RMC1: variants seen among roughly 807,000 people sequenced by gnomAD.
RMC1 encodes the protein regulator of MON1-CCZ1.
In RMC1, 44 loss-of-function variants were observed where a neutral mutation model predicts 95.5. The observed-to-expected ratio is 0.46, with a 90% CI of 0.36 to 0.59. The LOEUF (loss-of-function observed/expected upper bound fraction) is 0.59, where lower values mean the gene tolerates loss of function less well. Ranked by LOEUF, RMC1 falls within the 20% of genes least tolerant of loss-of-function variation. RMC1 has a pLI of 0.00. For missense variants in RMC1, 705 were observed against 819.6 expected, an observed-to-expected ratio of 0.86 and a Z score of 1.71; for synonymous variants, 320 against 303.6, an observed-to-expected ratio of 1.05 and a Z score of -0.56.
chr18:23,526,557 C>G, intron 12 of RMC1, 80 bp from the exon 13 acceptor site: 1 of 1,535,100 alleles, frequency 6.5e-7, no homozygotes, highest in Non-Finnish European at 8.8e-7. Flanking sequence ...ACCCGCCCCG[C>G]AGATGTTTAG....
chr18:23,524,209 A>G (rs1162453558), intron 11 of RMC1, 35 bp downstream of exon 11: 1 of 1,610,424 alleles, frequency 6.2e-7, no homozygotes, highest in Admixed American at 1.7e-5. Flanking sequence ...CGTGCACAAC[A>G]GGGCAAGTGG....
chr18:23,521,204 A>C (rs1325769546), intron 10 of RMC1, among the ~76,000 whole-genome samples: 1 of 152,192 alleles, frequency 6.6e-6, no homozygotes, highest in Non-Finnish European at 1.5e-5. Context: ...ATAAGCTAAA[A>C]TTATGTTGTG....
intron 19 of RMC1, chr18:23,531,302 C>A: frequency 4.1e-6 from 1 of 242,176 alleles, no homozygotes. Context: ...GTTGATCATT[C>A]TCATCTCCAA....
At position 23,504,433 on chromosome 18, in the gene RMC1, T is replaced by A; in HGVS notation, c.165T>A (p.Asn55Lys). Residue 55 changes from asparagine to lysine, a missense_variant, in exon 2 of 20, where the codon AAT becomes AAA. Physicochemically the swap from Asn to Lys is moderately conservative, Grantham distance 94 (BLOSUM62 0). Coordinates refer to ENST00000269221, the MANE Select transcript of RMC1 (RefSeq NM_013326.5). Reference protein sequence around the residue: ...GVVVKGPDDRNPISFRMDDKG... With the variant: ...GVVVKGPDDRKPISFRMDDKG... ...TAGTTAAAGGCCCAGATGATAGGAA[T>A]CCCATCTCATTTAGGTAATGGTATA... is the stretch of plus-strand genomic sequence containing the variant. 6.2e-7 allele frequency: 1 copy of A among 1,612,672 alleles called. No homozygotes were observed. The highest frequency in any genetic ancestry group is 8.5e-7 in the Non-Finnish European group (1 of 1,178,612).
Position 23,530,727 on chromosome 18 carries a change from A to G in RMC1, c.1894+115A>G, listed in dbSNP as rs1567938003. 28 of 910,538 alleles carry G rather than the reference A, an allele frequency of 3.1e-5. 1 individual carries two copies. In the South Asian group the frequency reaches 4.0e-4, roughly 13 times the overall value. 56.4% of individuals were successfully genotyped at this position (910,538 alleles called of 1,614,324 possible). ...GCATTTTTGTAAACAACACAATTTG[A>G]TAACAGCCCACCTAGCCCTTGGCCC... On this transcript the variant is annotated intron_variant, in intron 19 of 19. Coordinates refer to ENST00000269221, the MANE Select transcript of RMC1 (RefSeq NM_013326.5).
In RMC1 at chr18:23,503,539, T is replaced by G; in HGVS notation, c.-80T>G. 1 of 1,034,160 alleles carries G rather than the reference T, an allele frequency of 9.7e-7. No homozygotes were observed. Among genetic ancestry groups the G allele is most frequent in the Non-Finnish European group, 1.3e-6 (1 of 763,238 alleles). The allele number at this position is 1,034,160 out of a possible 1,614,324, so 64.1% of individuals were successfully genotyped here. A position where few individuals can be genotyped will look rare whatever the true frequency, so the allele number is the denominator to read the frequency against. ...GCCGCAGCCGCAGCCGCCGCTACAG[T>G]CCGGGCCGGGCTCCACCGCGCATCC... On this transcript the variant is annotated 5_prime_UTR_variant, in exon 1 of 20. Coordinates refer to ENST00000269221, the MANE Select transcript of RMC1 (RefSeq NM_013326.5).
chr18:23,529,897 A>AT, intron 16 of RMC1, 131 bp from the exon 17 acceptor site: 1 of 1,068,834 alleles, frequency 9.4e-7, no homozygotes, highest in Non-Finnish European at 1.4e-6. Flanking sequence ...CTTTACCTGC[A>AT]TGACGAAACC....
intron 10 of RMC1, among the ~76,000 whole-genome samples, chr18:23,520,898 A>T (rs1351038330): frequency 6.6e-6 from 1 of 152,096 alleles, no homozygotes; most frequent in Non-Finnish European, 1.5e-5. Context: ...TTGTATTTTT[A>T]GTAGAGATGG....
At chr18:23,524,001 T>C in intron 10 of RMC1, 129 bp from the exon 11 acceptor site, 1 of 1,052,778 alleles carries the variant, frequency 9.5e-7, no homozygotes, top group Non-Finnish European at 1.4e-6. Flanking sequence ...ACAGTTCATT[T>C]CTTCCTTGAC....
intron 15 of RMC1, 64 bp from the exon 16 acceptor site, chr18:23,529,571 G>A: frequency 7.0e-7 from 1 of 1,423,450 alleles, no homozygotes; most frequent in East Asian, 2.3e-5. Context: ...GTTGGATAGA[G>A]AGTTATATGC....
intron 13 of RMC1, 146 bp downstream of exon 13, chr18:23,526,911 C>G (rs909061605): frequency 6.8e-6 from 7 of 1,028,732 alleles, no homozygotes; most frequent in Middle Eastern, 3.1e-4. Flanking sequence ...ATGTGACCCC[C>G]TAGGAAAGGC....
intron 16 of RMC1, 29 bp from the exon 17 acceptor site, chr18:23,529,999 G>T (rs1414451466): frequency 2.5e-6 from 4 of 1,574,204 alleles, no homozygotes; most frequent in Non-Finnish European, 3.5e-6. Context: ...ATTTGGAAGT[G>T]TTCTTTCACT....
intron 7 of RMC1, among the ~76,000 whole-genome samples, 193 bp downstream of exon 7, chr18:23,516,616 G>T (rs533393029): frequency 1.2e-4 from 18 of 152,110 alleles, no homozygotes; most frequent in Non-Finnish European, 2.1e-4. Flanking sequence ...ATTCCTTTTT[G>T]ATTTTTATCA....
chr18:23,529,060 AGT>A, intron 14 of RMC1, 117 bp from the exon 15 acceptor site: 1 of 1,465,186 alleles, frequency 6.8e-7, no homozygotes, highest in Non-Finnish European at 9.1e-7. Context: ...AAGTAGAGAA[AGT>A]GTTTTCCGCT....
At chr18:23,510,671 C>T (rs1417033611) in intron 5 of RMC1, among the ~76,000 whole-genome samples, 1 of 151,834 alleles carries the variant, frequency 6.6e-6, no homozygotes, top group African/African-American at 2.4e-5. Context: ...GGGCAAAGGA[C>T]ATGAGCAGAC....
intron 5 of RMC1, among the ~76,000 whole-genome samples, chr18:23,514,174 C>T (rs2057936815): frequency 1.3e-5 from 2 of 152,132 alleles, no homozygotes; most frequent in South Asian, 4.1e-4. Flanking sequence ...GAAAATACAC[C>T]TGTGTGTTAA....
intron 15 of RMC1, 29 bp downstream of exon 15, chr18:23,529,327 A>C (rs781142688): frequency 6.3e-7 from 1 of 1,594,624 alleles, no homozygotes; most frequent in Non-Finnish European, 8.5e-7. Context: ...CCTCTTCTGG[A>C]CTGAGAATGC....
At chr18:23,511,912 A>G (rs1013616024) in intron 5 of RMC1, among the ~76,000 whole-genome samples, 2 of 151,814 alleles carry the variant, frequency 1.3e-5, no homozygotes, top group African/African-American at 2.4e-5. Flanking sequence ...TCTTCTAGAC[A>G]TGTGTATTTT....
chr18:23,520,605 G>A (rs1350364228), intron 10 of RMC1, among the ~76,000 whole-genome samples: 5 of 152,064 alleles, frequency 3.3e-5, no homozygotes, highest in Non-Finnish European at 7.4e-5. Context: ...GATTACAGGT[G>A]TGTGCCACCG....
Sources: allele counts gnomAD v4.1 joint callset (sites outside exome capture counted in the v4.1 genomes callset), GRCh38; gene constraint gnomAD v4.1.1; transcripts MANE v1.5; gene names NCBI Gene and HGNC (gene_info 2026-07-23, HGNC 2026-07-21).